The following GABBR2 variants were observed in gnomAD, a reference collection of about 807,000 sequenced individuals.
The protein encoded by GABBR2 is gamma-aminobutyric acid type B receptor subunit 2.
In GABBR2, 23 loss-of-function variants were observed where a neutral mutation model predicts 105.6. That is an observed-to-expected ratio of 0.22 (90% confidence interval 0.16 to 0.31). The LOEUF (loss-of-function observed/expected upper bound fraction) is 0.31. GABBR2 is among the 10% of genes least tolerant of loss of function. The pLI, the probability that GABBR2 is intolerant of heterozygous loss-of-function variation, is 1.00. For synonymous variants in GABBR2, 478 were observed against 499.7 expected (o/e 0.96, Z 0.58); for missense variants, 734 against 1,245.5 (o/e 0.59, Z 6.18).
intron 6 of GABBR2, among the ~76,000 whole-genome samples, chr9:98,460,049 T>C (rs1826395901): frequency 6.6e-6 from 1 of 152,220 alleles, no homozygotes; most frequent in South Asian, 2.1e-4. Context: ...AAGAGAAAAG[T>C]ATATGGAATG....
intron 1 of GABBR2, among the ~76,000 whole-genome samples, chr9:98,589,254 A>G (rs1829115437): frequency 6.6e-6 from 1 of 152,136 alleles, no homozygotes; most frequent in Non-Finnish European, 1.5e-5. Flanking sequence ...TGTCAGACCC[A>G]CCGCACAGTC....
chr9:98,389,102 C>T, intron 9 of GABBR2, 98 bp from the exon 10 acceptor site: 1 of 1,035,604 alleles, frequency 9.7e-7, no homozygotes, highest in East Asian at 2.4e-5. Flanking sequence ...AGGCCCTGCG[C>T]ACAAACTCTA....
chr9:98,681,636 A>G (rs1025837323), intron 1 of GABBR2, among the ~76,000 whole-genome samples: 1 of 152,216 alleles, frequency 6.6e-6, no homozygotes, highest in African/African-American at 2.4e-5. Context: ...CTACTATAAA[A>G]TATTTTACCA....
chr9:98,581,316 T>A (rs1270723356), intron 1 of GABBR2: 1 of 152,124 alleles, frequency 6.6e-6, no homozygotes, highest in Non-Finnish European at 1.5e-5. Context: ...CAACAGTGAG[T>A]GACAAGGATG....
intron 7 of GABBR2, 108 bp from the exon 8 acceptor site, chr9:98,406,249 A>G: frequency 1.7e-6 from 1 of 590,684 alleles, no homozygotes; most frequent in Non-Finnish European, 2.9e-6. Context: ...GCGATTATTA[A>G]TACTGGAGGA....
Position 98,708,465 on chromosome 9 carries a change from C to A in GABBR2, c.273G>T (p.Glu91Asp). 6.3e-7 allele frequency: 1 copy of A among 1,577,906 alleles called. No individual in the cohort carries two copies. Among genetic ancestry groups the A allele is most frequent in the East Asian group, 2.3e-5 (1 of 42,946 alleles). The change falls in exon 1 of 19, where the codon GAG becomes GAT. Residue 91 changes from glutamate (E) to aspartate (D), a missense_variant. Glu to Asp is a conservative substitution (Grantham distance 45). Around this residue, in one of 7 missense-constraint regions of GABBR2, gnomAD observed 370 missense variants for 648.9 expected, o/e 0.57. Coordinates refer to ENST00000259455, the MANE Select transcript of GABBR2 (RefSeq NM_005458.8). ...VELAIEQIRN[E>D]SLLRPYFLDL... ...CGAGGAAGTAGGGGCGCAGGAGTGA[C>A]TCGTTGCGGATCTGCTCGATGGCCA...
chr9:98,446,574 AT>A (rs1297989845), intron 7 of GABBR2, among the ~76,000 whole-genome samples: 2 of 152,308 alleles, frequency 1.3e-5, no homozygotes, highest in South Asian at 4.1e-4. Flanking sequence ...AGGGAGAGAG[AT>A]TAGAGTCTCA....
chr9:98,530,564 G>C (rs1187851891), intron 3 of GABBR2, among the ~76,000 whole-genome samples: 5 of 152,172 alleles, frequency 3.3e-5, no homozygotes, highest in African/African-American at 1.2e-4. Flanking sequence ...GGTCATTGGA[G>C]CCCAGAAGTT....
chr9:98,580,108 T>G (rs1056340367), intron 1 of GABBR2, among the ~76,000 whole-genome samples: 1 of 152,186 alleles, frequency 6.6e-6, no homozygotes, highest in African/African-American at 2.4e-5. Flanking sequence ...CTCTTCCCTT[T>G]GCTCACCAAG....
intron 1 of GABBR2, among the ~76,000 whole-genome samples, chr9:98,622,620 C>T (rs1400464955): frequency 1.3e-5 from 2 of 152,242 alleles, no homozygotes; most frequent in African/African-American, 4.8e-5. Context: ...GACCATGGCA[C>T]TCCTCAGCTC....
At chr9:98,610,624 G>A (rs1829491709) in intron 1 of GABBR2, among the ~76,000 whole-genome samples, 1 of 152,112 alleles carries the variant, frequency 6.6e-6, no homozygotes, top group Non-Finnish European at 1.5e-5. Flanking sequence ...TGACCAGGGA[G>A]GTAGAGATTG....
chr9:98,511,199 G>C (rs1442433390), intron 3 of GABBR2, among the ~76,000 whole-genome samples: 1 of 151,384 alleles, frequency 6.6e-6, no homozygotes, highest in Non-Finnish European at 1.5e-5. Context: ...GATGTTCTTT[G>C]AAACCAACGA....
At chr9:98,545,908 T>C (rs1564110427) in intron 2 of GABBR2, among the ~76,000 whole-genome samples, 2 of 152,194 alleles carry the variant, frequency 1.3e-5, no homozygotes, top group African/African-American at 4.8e-5. Context: ...GGGCCCTAAC[T>C]TGGAGACCAA....
intron 1 of GABBR2, among the ~76,000 whole-genome samples, chr9:98,666,752 C>T (rs1029500124): frequency 6.6e-6 from 1 of 152,122 alleles, no homozygotes; most frequent in Non-Finnish European, 1.5e-5. Context: ...GCCTGAGCAA[C>T]AGAGAGGGAA....
rs544197784 is a variant in GABBR2, at chr9:98,675,237, T to G, written c.321+33180A>C. On this transcript the variant is annotated intron_variant, in intron 1 of 18. Coordinates refer to ENST00000259455, the MANE Select transcript of GABBR2 (RefSeq NM_005458.8). ...CCCAGCAAGCACGGCAGGATGGCAATGGTGCTTTGGTCAGTGGCCAAAGCA... is the reference window on the plus strand; with the variant it reads ...CCCAGCAAGCACGGCAGGATGGCAAGGGTGCTTTGGTCAGTGGCCAAAGCA... Among the ~76,000 whole-genome samples the G allele has an allele frequency of 1.2e-4, 18 of 152,138 alleles. No homozygotes were observed. In the East Asian group the frequency reaches 3.3e-3, roughly 28 times the overall value.
At chr9:98,608,533 T>C (rs1446728156) in intron 1 of GABBR2, among the ~76,000 whole-genome samples, 5 of 152,192 alleles carry the variant, frequency 3.3e-5, no homozygotes, top group African/African-American at 4.8e-5. Flanking sequence ...AAACTATGCT[T>C]CTCTATGATA....
intron 2 of GABBR2, among the ~76,000 whole-genome samples, chr9:98,562,087 CCACCT>C (rs1353417618): frequency 2.0e-5 from 3 of 152,036 alleles, no homozygotes; most frequent in African/African-American, 7.2e-5. Context: ...TTGGAAGATA[CCACCT>C]TAACCAAGTG....
At position 98,295,621 on chromosome 9, in the gene GABBR2, G is replaced by C. The variant is rs1042534413; in HGVS notation, c.2543-1719C>G. 2.6e-5 allele frequency among the ~76,000 whole-genome samples: 4 copies of C among 152,064 alleles called. No homozygotes were observed. In the East Asian group the frequency reaches 7.7e-4, roughly 29 times the overall value. On this transcript the variant is annotated intron_variant, in intron 17 of 18. Coordinates refer to ENST00000259455, the MANE Select transcript of GABBR2 (RefSeq NM_005458.8). ...GCTCACTGCAACCTCCGCCTCCCAG[G>C]TTCATGTGATTCTCCTGCCTCAGCC... is the stretch of plus-strand genomic sequence containing the variant.
At chr9:98,478,382 C>A (rs1169513158) in intron 5 of GABBR2, among the ~76,000 whole-genome samples, 1 of 152,112 alleles carries the variant, frequency 6.6e-6, no homozygotes, top group Non-Finnish European at 1.5e-5. Context: ...CTGGACCTTC[C>A]AGAAGAACTC....
Sources: allele counts gnomAD v4.1 joint callset (sites outside exome capture counted in the v4.1 genomes callset), GRCh38; gene constraint gnomAD v4.1.1; regional missense constraint gnomAD v4.1.1; transcripts MANE v1.5; gene names NCBI Gene and HGNC (gene_info 2026-07-23, HGNC 2026-07-21).